The following HIF1A variants were observed in gnomAD, a reference collection of about 807,000 sequenced individuals.
The protein encoded by HIF1A is hypoxia-inducible factor 1-alpha.
Under a neutral mutation model 92.7 loss-of-function variants are expected in HIF1A, and 24 were observed. That is an observed-to-expected ratio of 0.26 (90% CI 0.19 to 0.36). The LOEUF (loss-of-function observed/expected upper bound fraction) is 0.36. HIF1A is among the 10% of genes least tolerant of loss of function. HIF1A has a pLI of 1.00. For synonymous variants in HIF1A, 319 were observed against 338.7 expected, an observed-to-expected ratio of 0.94 and a Z score of 0.64; for missense variants, 799 against 998.5, an observed-to-expected ratio of 0.80 and a Z score of 2.69.
intron 13 of HIF1A, among the ~76,000 whole-genome samples, chr14:61,745,400 G>C (rs1165859091): frequency 6.6e-6 from 1 of 152,192 alleles, no homozygotes; most frequent in Non-Finnish European, 1.5e-5. Context: ...TCCAGCCTGG[G>C]TAAGAGAGTG....
chr14:61,717,986 A>T (rs1594868057), intron 1 of HIF1A, among the ~76,000 whole-genome samples: 1 of 150,092 alleles, frequency 6.7e-6, no homozygotes, highest in South Asian at 2.1e-4. Context: ...TTGCCATTGC[A>T]CTCCAGCCTG....
chr14:61,737,749 G>A (rs1195756661), intron 9 of HIF1A, among the ~76,000 whole-genome samples: 4 of 152,150 alleles, frequency 2.6e-5, no homozygotes, highest in Non-Finnish European at 4.4e-5. Flanking sequence ...CCTTGTGGCC[G>A]GGCGCAGTGG....
At chr14:61,729,134 T>TAG (rs1014618706) in intron 6 of HIF1A, among the ~76,000 whole-genome samples, 1 of 152,120 alleles carries the variant, frequency 6.6e-6, no homozygotes, top group African/African-American at 2.4e-5. Context: ...CCTTGGTACT[T>TAG]AACTGTTGTA....
Position 61,701,420 on chromosome 14 carries a change from A to G in HIF1A, c.35+5581A>G, listed in dbSNP as rs73327407. ...AAAGTGTCTAGTATTTAATATTGCA[A>G]TTTTCACTCATTAAGGACAGGTCCC... On this transcript the variant is annotated intron_variant, in intron 1 of 14. Coordinates refer to ENST00000337138, the MANE Select transcript of HIF1A (RefSeq NM_001530.4). Among the ~76,000 whole-genome samples, 696 of 152,020 alleles carry G rather than the reference A, an allele frequency of 4.6e-3. 10 individuals carry two copies. Among genetic ancestry groups the G allele is most frequent in the African/African-American group, 0.016 (665 of 41,500 alleles).
At chr14:61,717,821 A>C (rs1023852766) in intron 1 of HIF1A, among the ~76,000 whole-genome samples, 1 of 152,022 alleles carries the variant, frequency 6.6e-6, no homozygotes, top group Admixed American at 6.5e-5. Flanking sequence ...CTGGAGTTTG[A>C]GACAAGCCTG....
intron 14 of HIF1A, among the ~76,000 whole-genome samples, chr14:61,746,618 C>G (rs1566580418): frequency 6.6e-6 from 1 of 151,978 alleles, no homozygotes; most frequent in African/African-American, 2.4e-5. Flanking sequence ...TGGTTTCAAA[C>G]TCCTGGCCTC....
chr14:61,742,407 T>C (rs2044722738), intron 12 of HIF1A, among the ~76,000 whole-genome samples: 1 of 152,162 alleles, frequency 6.6e-6, no homozygotes, highest in Non-Finnish European at 1.5e-5. Context: ...GGGAGAGGTC[T>C]TTTCCCTAAG....
Position 61,740,787 on chromosome 14 carries a change from C to G in HIF1A, c.1692C>G (p.Pro564=). The part of the protein sequence containing the change: ...DTDLDLEMLA[P]YIPMDDDFQL... Reference sequence around the variant, plus strand: ...ATTTAGACTTGGAGATGTTAGCTCCCTATATCCCAATGGATGATGACTTCC... The same window carrying G: ...ATTTAGACTTGGAGATGTTAGCTCCGTATATCCCAATGGATGATGACTTCC... The change falls in exon 12 of 15, where the codon CCC becomes CCG. Residue 564 remains proline (P), a synonymous_variant. Transcript: ENST00000337138. The G allele has an allele frequency of 6.2e-7, 1 of 1,613,846 alleles. No individual in the cohort carries two copies. The highest frequency in any genetic ancestry group is 1.1e-5 in the South Asian group (1 of 91,046).
chr14:61,744,724 G>A lies in HIF1A; in HGVS notation c.2113G>A (p.Glu705Lys), dbSNP rs1183533333. The change falls in exon 13 of 15, where the codon GAA becomes AAA. Residue 705 changes from glutamate to lysine, a missense_variant. Coordinates refer to ENST00000337138, the MANE Select transcript of HIF1A (RefSeq NM_001530.4). ...LSQRTTVPEE[E>K]LNPKILALQN... Reference sequence around the variant, plus strand: ...TTTCAGAACTACAGTTCCTGAGGAAGAACTAAATCCAAAGATACTAGCTTT... The same window carrying A: ...TTTCAGAACTACAGTTCCTGAGGAAAAACTAAATCCAAAGATACTAGCTTT... 1.9e-6 allele frequency: 3 copies of A among 1,558,416 alleles called. No individual in the cohort carries two copies. Among genetic ancestry groups the A allele is most frequent in the Non-Finnish European group, 2.6e-6 (3 of 1,137,996 alleles).
chr14:61,727,446 T>C lies in HIF1A; in HGVS notation c.571-7T>C. 4.4e-6 allele frequency: 7 copies of C among 1,603,424 alleles called. No individual in the cohort carries two copies. Among genetic ancestry groups the C allele is most frequent in the Non-Finnish European group, 6.0e-6 (7 of 1,170,388 alleles). ...TTTTTTTTAACTGCTTTGTTCTTCA[T>C]ACACAGGTATTGCACTGCACAGGCC... is the stretch of plus-strand genomic sequence containing the variant. On this transcript the variant is annotated splice_region_variant and splice_polypyrimidine_tract_variant and intron_variant, in intron 5 of 14. Coordinates refer to ENST00000337138, the MANE Select transcript of HIF1A (RefSeq NM_001530.4).
intron 1 of HIF1A, among the ~76,000 whole-genome samples, chr14:61,709,609 T>G (rs2044283569): frequency 6.6e-6 from 1 of 152,210 alleles, no homozygotes; most frequent in South Asian, 2.1e-4. Flanking sequence ...TTGTGCCGTT[T>G]AGATAATAAT....
At chr14:61,722,334 C>G (rs906906496) in intron 4 of HIF1A, among the ~76,000 whole-genome samples, 11 of 152,166 alleles carry the variant, frequency 7.2e-5, no homozygotes, top group African/African-American at 2.7e-4. Context: ...GCCATCCTCT[C>G]ACCTCGGCCT....
intron 8 of HIF1A, among the ~76,000 whole-genome samples, chr14:61,734,503 T>C (rs2044613221): frequency 6.6e-6 from 1 of 152,176 alleles, no homozygotes; most frequent in Non-Finnish European, 1.5e-5. Context: ...TCTATCCCCA[T>C]ACCTTCACTC....
At chr14:61,734,348 G>A in intron 8 of HIF1A, 63 bp downstream of exon 8, 1 of 1,113,890 alleles carries the variant, frequency 9.0e-7, no homozygotes, top group South Asian at 1.6e-5. Flanking sequence ...TGGATACTCT[G>A]TTCATTTATA....
At chr14:61,696,136 C>T (rs1038807515) in intron 1 of HIF1A, among the ~76,000 whole-genome samples, 1 of 152,252 alleles carries the variant, frequency 6.6e-6, no homozygotes, top group African/African-American at 2.4e-5. Flanking sequence ...CCCACCTACC[C>T]GCCTCAAAAA....
chr14:61,711,812 T>G (rs1030515620), intron 1 of HIF1A, among the ~76,000 whole-genome samples: 2 of 152,246 alleles, frequency 1.3e-5, no homozygotes, highest in African/African-American at 4.8e-5. Flanking sequence ...AATAAATGGT[T>G]GTTTTTGTAC....
chr14:61,705,830 T>C (rs1012157996), intron 1 of HIF1A, among the ~76,000 whole-genome samples: 8 of 152,300 alleles, frequency 5.3e-5, no homozygotes, highest in Admixed American at 1.3e-4. Flanking sequence ...CAGAGACTCT[T>C]GCTTTAGGAG....
intron 1 of HIF1A, among the ~76,000 whole-genome samples, chr14:61,706,381 T>C (rs1445365490): frequency 2.0e-5 from 3 of 152,218 alleles, no homozygotes. Context: ...CTCATGCACT[T>C]ACGTGTTTAA....
chr14:61,726,404 G>T (rs2044504519), intron 4 of HIF1A: 2 of 193,582 alleles, frequency 1.0e-5, no homozygotes, highest in South Asian at 2.4e-4. Flanking sequence ...CAGTTAAAGA[G>T]CAAACTCATA....
Sources: allele counts gnomAD v4.1 joint callset (sites outside exome capture counted in the v4.1 genomes callset), GRCh38; gene constraint gnomAD v4.1.1; transcripts MANE v1.5; gene names NCBI Gene and HGNC (gene_info 2026-07-23, HGNC 2026-07-21).